CTNNA2: variants seen among roughly 807,000 people sequenced by gnomAD.
The protein encoded by CTNNA2 is catenin alpha-2.
CTNNA2 carries 42 observed loss-of-function variants against 101.0 expected under a neutral mutation model. The ratio of observed to expected loss-of-function variants is 0.42; its 90% CI spans 0.32 to 0.54. The LOEUF is 0.54. CTNNA2 is among the 20% of genes least tolerant of loss of function. The pLI is 0.14. For missense variants in CTNNA2, 871 were observed against 1,223.1 expected, an observed-to-expected ratio of 0.71 and a Z score of 4.29; for synonymous variants, 450 against 456.4, an observed-to-expected ratio of 0.99 and a Z score of 0.18.
rs536266436 is a variant in CTNNA2 at position 80,591,105 on chromosome 2, A to G, written c.2189+1620A>G. On this transcript the variant is annotated intron_variant, in intron 15 of 18. Coordinates refer to ENST00000402739, the MANE Select transcript of CTNNA2 (RefSeq NM_001282597.3). ...TCAGGAGCACATTTTATAATTCTCTAGATTATATAACTGTGGTCAAGGCAC... is the reference window on the plus strand; with the variant it reads ...TCAGGAGCACATTTTATAATTCTCTGGATTATATAACTGTGGTCAAGGCAC... Among the ~76,000 whole-genome samples, 3 of 152,286 alleles carry G rather than the reference A, an allele frequency of 2.0e-5. No individual in the cohort carries two copies. In the South Asian group the frequency reaches 6.2e-4, roughly 32 times the overall value.
intron 7 of CTNNA2, among the ~76,000 whole-genome samples, chr2:80,268,811 T>A (rs1673218912): frequency 6.6e-6 from 1 of 152,162 alleles, no homozygotes; most frequent in Non-Finnish European, 1.5e-5. Flanking sequence ...CCAAGGTTTT[T>A]ATAGAAACAG....
rs190324719 is a variant in CTNNA2 at position 79,321,624 on chromosome 2, C to G, written c.-318+8828C>G. 1.6e-4 allele frequency among the ~76,000 whole-genome samples: 24 copies of G among 152,188 alleles called. No homozygotes were observed. The East Asian group carries it at 4.5e-3, about 28-fold the overall frequency. ...TGTACCATTTAATTTTGATGAAGGT[C>G]CTGTGAAATAAGCAGAGCAGATTTT... On this transcript the variant is annotated intron_variant, in intron 3 of 21. Coordinates refer to the CTNNA2 transcript ENST00000466387.
chr2:80,281,173 T>G (rs1674351852), intron 7 of CTNNA2, among the ~76,000 whole-genome samples: 1 of 152,108 alleles, frequency 6.6e-6, no homozygotes, highest in African/African-American at 2.4e-5. Flanking sequence ...CAAATTATAT[T>G]CAGAAATGTC....
rs199592782 is a variant in CTNNA2 at position 79,877,189 on chromosome 2, T to A, written c.852+2847T>A. 7.9e-5 allele frequency among the ~76,000 whole-genome samples: 12 copies of A among 152,214 alleles called. No homozygotes were observed. In the East Asian group the frequency reaches 1.5e-3, roughly 20 times the overall value. On this transcript the variant is annotated intron_variant, in intron 6 of 18. Coordinates refer to ENST00000402739, the MANE Select transcript of CTNNA2 (RefSeq NM_001282597.3). Reference sequence around the variant, plus strand: ...AATTACATAAAGCGTTATCTAATGGTCAACATTTTACTTCTTGGAGGTCAA... The same window carrying A: ...AATTACATAAAGCGTTATCTAATGGACAACATTTTACTTCTTGGAGGTCAA...
intron 12 of CTNNA2, among the ~76,000 whole-genome samples, chr2:80,556,525 C>G (rs1176236099): frequency 2.6e-5 from 4 of 152,262 alleles, no homozygotes; most frequent in Middle Eastern, 3.4e-3. Context: ...ACAGGACTCA[C>G]TGCTATGGTC....
At chr2:79,536,263 G>A (rs1673049926) in intron 1 of CTNNA2, among the ~76,000 whole-genome samples, 3 of 152,140 alleles carry the variant, frequency 2.0e-5, no homozygotes, top group South Asian at 4.1e-4. Context: ...AAGCATGATC[G>A]CTATTTGGTT....
intron 7 of CTNNA2, among the ~76,000 whole-genome samples, chr2:80,099,115 C>A (rs13395873): frequency 0.19 from 29,533 of 151,702 alleles, 4,613 homozygotes; most frequent in African/African-American, 0.43. Context: ...GGAGCTGTAG[C>A]CTGGAGCTGT....
intron 3 of CTNNA2, among the ~76,000 whole-genome samples, chr2:79,814,605 GTA>G (rs1173982465): frequency 4.4e-5 from 5 of 112,592 alleles, no homozygotes; most frequent in African/African-American, 1.9e-4. Context: ...ATATATGTGT[GTA>G]TACACACACA....
chr2:79,187,992 A>C lies in CTNNA2; in HGVS notation c.-524+2561A>C, dbSNP rs189603550. Among the ~76,000 whole-genome samples the C allele has an allele frequency of 3.8e-4, 58 of 152,332 alleles. No homozygotes were observed. The East Asian group carries it at 0.011, about 28-fold the overall frequency. ...TAAAAGGACTTAGTTAATCAAGATC[A>C]TAAGCCCAGTTAACAAAAAACAGCA... On this transcript the variant is annotated intron_variant, in intron 1 of 21. Transcript: ENST00000466387.
chr2:79,541,113 T>C (rs1264418832), intron 1 of CTNNA2, among the ~76,000 whole-genome samples: 3 of 152,058 alleles, frequency 2.0e-5, no homozygotes, highest in African/African-American at 7.2e-5. Context: ...ACTGTGCTTA[T>C]CCCTATGTGT....
chr2:79,923,810 T>A (rs184879769), intron 7 of CTNNA2, among the ~76,000 whole-genome samples: 2 of 152,264 alleles, frequency 1.3e-5, no homozygotes, highest in Non-Finnish European at 2.9e-5. Flanking sequence ...GGATCCGCTT[T>A]TGTAGATTCC....
At chr2:79,352,866 T>C (rs1283838288) in intron 3 of CTNNA2, among the ~76,000 whole-genome samples, 1 of 152,178 alleles carries the variant, frequency 6.6e-6, no homozygotes, top group Non-Finnish European at 1.5e-5. Context: ...TGCAGGCTTC[T>C]GCTTCTGGGG....
chr2:79,926,150 C>T (rs111692070), intron 7 of CTNNA2, among the ~76,000 whole-genome samples: 107 of 152,224 alleles, frequency 7.0e-4, no homozygotes, highest in African/African-American at 1.9e-3. Flanking sequence ...CCCCTCTTCA[C>T]GCCTAACCTA....
At chr2:80,530,062 C>T (rs779863448) in intron 9 of CTNNA2, among the ~76,000 whole-genome samples, 1 of 152,092 alleles carries the variant, frequency 6.6e-6, no homozygotes, top group Non-Finnish European at 1.5e-5. Context: ...AAAGCAAATG[C>T]ATCTGTGGTC....
At chr2:80,209,946 A>G (rs1300323371) in intron 7 of CTNNA2, among the ~76,000 whole-genome samples, 1 of 152,212 alleles carries the variant, frequency 6.6e-6, no homozygotes, top group Non-Finnish European at 1.5e-5. Context: ...GAAAATGAAT[A>G]TCTTCAGTAA....
chr2:79,981,923 G>C (rs1306879285), intron 7 of CTNNA2, among the ~76,000 whole-genome samples: 2 of 151,852 alleles, frequency 1.3e-5, no homozygotes, highest in Non-Finnish European at 2.9e-5. Context: ...ACGACTTTGA[G>C]TTTCAGTTTC....
At chr2:79,374,097 A>T (rs563096119) in intron 4 of CTNNA2, 9 of 153,828 alleles carry the variant, frequency 5.9e-5, no homozygotes, top group African/African-American at 2.2e-4. Context: ...CATGCTCATG[A>T]TAGGATTTGC....
At chr2:79,627,015 A>G (rs550571604) in intron 1 of CTNNA2, among the ~76,000 whole-genome samples, 3 of 152,186 alleles carry the variant, frequency 2.0e-5, no homozygotes, top group Non-Finnish European at 4.4e-5. Flanking sequence ...GGTTTCTAAG[A>G]TTGCCTGTCC....
chr2:79,863,435 G>T (rs187210988), intron 4 of CTNNA2, among the ~76,000 whole-genome samples: 19 of 152,072 alleles, frequency 1.2e-4, no homozygotes, highest in Non-Finnish European at 2.9e-5. Context: ...CGAACCTATC[G>T]CTGGGCCTAG....
Sources: gnomAD v4.1 joint callset for allele counts (sites outside exome capture counted in the v4.1 genomes callset) on GRCh38, gnomAD v4.1.1 for gene constraint, MANE v1.5 for transcripts, NCBI Gene and HGNC (gene_info 2026-07-23, HGNC 2026-07-21) for gene names.